The following CNTNAP2 variants were observed in gnomAD, a reference collection of about 807,000 sequenced individuals.
The protein encoded by CNTNAP2 is contactin associated protein 2, also known as contactin-associated protein-like 2.
Under a neutral mutation model 155.2 loss-of-function variants are expected in CNTNAP2, and 98 were observed. The ratio of observed to expected loss-of-function variants is 0.63; its 90% CI spans 0.54 to 0.75. CNTNAP2 has a LOEUF of 0.75. Among genes scored for constraint, CNTNAP2 ranks in the 30% least tolerant of loss-of-function variants. The pLI, the probability that CNTNAP2 is intolerant of heterozygous loss-of-function variation, is 0.00. For synonymous variants in CNTNAP2, 651 were observed against 631.2 expected, an observed-to-expected ratio of 1.03 and a Z score of -0.47; for missense variants, 1,727 against 1,688.1, an observed-to-expected ratio of 1.02 and a Z score of -0.40.
chr7:146,364,801 A>G lies in CNTNAP2; in HGVS notation c.97+247828A>G, dbSNP rs185075457. Among the ~76,000 whole-genome samples, 41 of 152,340 alleles carry G rather than the reference A, an allele frequency of 2.7e-4. No homozygotes were observed. In the East Asian group the frequency reaches 7.0e-3, roughly 26 times the overall value. ...CAGTGTTCTGCTTTTTGGAAGACACATACACTACAGGAACCTTTGAACATG... is the reference window on the plus strand; with the variant it reads ...CAGTGTTCTGCTTTTTGGAAGACACGTACACTACAGGAACCTTTGAACATG... On this transcript the variant is annotated intron_variant, in intron 1 of 23. Coordinates refer to ENST00000361727, the MANE Select transcript of CNTNAP2 (RefSeq NM_014141.6).
intron 3 of CNTNAP2, among the ~76,000 whole-genome samples, chr7:147,016,331 G>A (rs186496741): frequency 1.9e-3 from 292 of 152,070 alleles, no homozygotes; most frequent in Middle Eastern, 3.4e-3. Context: ...TATTTAGCAT[G>A]ACAGGAAATC....
At chr7:146,197,319 T>A (rs1334797569) in intron 1 of CNTNAP2, among the ~76,000 whole-genome samples, 2 of 152,212 alleles carry the variant, frequency 1.3e-5, no homozygotes, top group Admixed American at 1.3e-4. Flanking sequence ...TGCACAAGTT[T>A]AAAATTTGCT....
At chr7:148,331,430 G>A (rs1456625891) in intron 21 of CNTNAP2, among the ~76,000 whole-genome samples, 1 of 148,290 alleles carries the variant, frequency 6.7e-6, no homozygotes, top group African/African-American at 2.5e-5. Flanking sequence ...GGGATGGATG[G>A]AGTGGACGTA....
chr7:146,349,691 TTGTC>T (rs770832909), intron 1 of CNTNAP2, among the ~76,000 whole-genome samples: 1 of 152,150 alleles, frequency 6.6e-6, no homozygotes, highest in Admixed American at 6.5e-5. Context: ...CAGCATTTGT[TTGTC>T]TGTAAAGTAT....
intron 1 of CNTNAP2, among the ~76,000 whole-genome samples, chr7:146,731,070 A>T (rs1052245383): frequency 1.3e-5 from 2 of 152,192 alleles, no homozygotes; most frequent in Non-Finnish European, 2.9e-5. Context: ...TGTATTTTAC[A>T]GATGAGAAAA....
chr7:147,282,046 A>G (rs1431050234), intron 8 of CNTNAP2, among the ~76,000 whole-genome samples: 1 of 151,882 alleles, frequency 6.6e-6, no homozygotes, highest in Admixed American at 6.6e-5. Flanking sequence ...CTTCAGACCA[A>G]GAGTGACTTA....
At chr7:147,557,855 T>C (rs1799980708) in intron 11 of CNTNAP2, among the ~76,000 whole-genome samples, 1 of 152,218 alleles carries the variant, frequency 6.6e-6, no homozygotes, top group Non-Finnish European at 1.5e-5. Context: ...AAAGCCGCAA[T>C]TACTTTTGCA....
At chr7:147,404,911 TA>T (rs1002683368) in intron 10 of CNTNAP2, among the ~76,000 whole-genome samples, 8 of 152,156 alleles carry the variant, frequency 5.3e-5, no homozygotes, top group African/African-American at 1.7e-4. Context: ...TATTCTTTTT[TA>T]AAAAAAGGTA....
intron 4 of CNTNAP2, among the ~76,000 whole-genome samples, chr7:147,060,193 ATGT>A (rs1563061177): frequency 3.6e-4 from 54 of 151,618 alleles, no homozygotes; most frequent in Middle Eastern, 6.9e-3. Flanking sequence ...AAAAAAAAAA[ATGT>A]ATCTGTCCTT....
At chr7:147,507,012 GAA>G in intron 11 of CNTNAP2, among the ~76,000 whole-genome samples, 1 of 152,120 alleles carries the variant, frequency 6.6e-6, no homozygotes, top group Non-Finnish European at 1.5e-5. Context: ...TTTCTTAAAA[GAA>G]AAAAATAAAA....
At chr7:146,378,797 A>C (rs777593533) in intron 1 of CNTNAP2, among the ~76,000 whole-genome samples, 2 of 152,258 alleles carry the variant, frequency 1.3e-5, no homozygotes, top group African/African-American at 2.4e-5. Context: ...ATGAAGGAGT[A>C]AACTTTCTTG....
chr7:147,810,319 G>A (rs1387764750), intron 13 of CNTNAP2, among the ~76,000 whole-genome samples: 2 of 151,784 alleles, frequency 1.3e-5, no homozygotes, highest in Non-Finnish European at 1.5e-5. Flanking sequence ...GATAGGCAAA[G>A]TAGACTTGGA....
At position 147,496,211 on chromosome 7, in the gene CNTNAP2, C is replaced by G. The variant is rs76909410; in HGVS notation, c.1777+10170C>G. 8.0e-3 allele frequency among the ~76,000 whole-genome samples: 1,216 copies of G among 152,218 alleles called. 17 individuals carry two copies. The highest frequency in any genetic ancestry group is 0.027 in the African/African-American group (1,137 of 41,530). On this transcript the variant is annotated intron_variant, in intron 11 of 23. Coordinates refer to ENST00000361727, the MANE Select transcript of CNTNAP2 (RefSeq NM_014141.6). Reference sequence around the variant, plus strand: ...AAATAAATGTATGTACTTGAATCATCCTGAAACCATCCCCTACCTCCTGAT... The same window carrying G: ...AAATAAATGTATGTACTTGAATCATGCTGAAACCATCCCCTACCTCCTGAT...
At chr7:148,099,423 G>T (rs965257053) in intron 15 of CNTNAP2, among the ~76,000 whole-genome samples, 1 of 99,946 alleles carries the variant, frequency 1.0e-5, no homozygotes, top group Non-Finnish European at 2.2e-5. Context: ...CATTGCAATT[G>T]TGTGTGTGTG....
rs545726317 is a variant in CNTNAP2 at position 146,864,442 on chromosome 7, G to A, written c.402+24538G>A. 2.0e-5 allele frequency among the ~76,000 whole-genome samples: 3 copies of A among 152,036 alleles called. No individual in the cohort carries two copies. In the East Asian group the frequency reaches 5.8e-4, roughly 29 times the overall value. ...AAGGCAACTACCTCAAATTCATAAT[G>A]GTCAACTATAAAAACTCACAGCTGA... On this transcript the variant is annotated intron_variant, in intron 3 of 23. Transcript: ENST00000361727.
intron 9 of CNTNAP2, among the ~76,000 whole-genome samples, chr7:147,353,611 G>A (rs974982398): frequency 1.3e-5 from 2 of 152,100 alleles, no homozygotes; most frequent in African/African-American, 4.8e-5. Context: ...AAACATATGT[G>A]TGTATGCGTC....
intron 13 of CNTNAP2, among the ~76,000 whole-genome samples, chr7:147,699,004 C>CA (rs1305508053): frequency 6.6e-6 from 1 of 151,966 alleles, no homozygotes; most frequent in Non-Finnish European, 1.5e-5. Context: ...CATTATAAAG[C>CA]AAAGATTGAC....
chr7:146,821,570 C>T (rs1217384233), intron 2 of CNTNAP2, among the ~76,000 whole-genome samples: 1 of 152,062 alleles, frequency 6.6e-6, no homozygotes, highest in African/African-American at 2.4e-5. Context: ...GCAACCTACT[C>T]ATCTGACAAA....
intron 4 of CNTNAP2, among the ~76,000 whole-genome samples, chr7:147,077,051 A>G (rs942848369): frequency 9.9e-5 from 15 of 152,262 alleles, no homozygotes; most frequent in Non-Finnish European, 2.1e-4. Context: ...TTTTAATTGA[A>G]TTACTTAGAA....
Sources: allele counts gnomAD v4.1 joint callset (sites outside exome capture counted in the v4.1 genomes callset), GRCh38; gene constraint gnomAD v4.1.1; transcripts MANE v1.5; gene names NCBI Gene and HGNC (gene_info 2026-07-23, HGNC 2026-07-21).